Variants in GCNT1 observed in about 807,000 individuals in gnomAD.
GCNT1 encodes the protein glucosaminyl (N-acetyl) transferase 1, also known as beta-1,3-galactosyl-O-glycosyl-glycoprotein beta-1,6-N-acetylglucosaminyltransferase.
GCNT1 carries 16 observed loss-of-function variants against 26.2 expected under a neutral mutation model. That is an observed-to-expected ratio of 0.61 (90% CI 0.41 to 0.93). The LOEUF (loss-of-function observed/expected upper bound fraction) is 0.93. Among genes scored for constraint, GCNT1 ranks in the 40% least tolerant of loss-of-function variants. GCNT1 has a pLI of 0.00. For missense variants in GCNT1, 477 were observed against 526.7 expected (o/e 0.91, Z 0.92); for synonymous variants, 183 against 190.8 (o/e 0.96, Z 0.34).
At chr9:76,462,536 GT>G (rs925153011) in intron 2 of GCNT1, among the ~76,000 whole-genome samples, 2 of 152,188 alleles carry the variant, frequency 1.3e-5, no homozygotes, top group African/African-American at 4.8e-5. Context: ...CCTCCCTGCA[GT>G]TAAATGACCC....
At chr9:76,478,770 GCAAT>G in intron 2 of GCNT1, among the ~76,000 whole-genome samples, 2 of 152,262 alleles carry the variant, frequency 1.3e-5, no homozygotes, top group Middle Eastern at 6.8e-3. Flanking sequence ...CAGATACAAT[GCAAT>G]CATGGACATT....
At chr9:76,416,402 G>T (rs551442314), upstream of GCNT1, among the ~76,000 whole-genome samples, 2 of 152,322 alleles carry the variant, frequency 1.3e-5, no homozygotes, top group South Asian at 4.1e-4. Context: ...TACCAAGAGG[G>T]CAGAGAGTAA....
intron 2 of GCNT1, among the ~76,000 whole-genome samples, chr9:76,487,065 C>T (rs537494602): frequency 6.6e-6 from 1 of 152,266 alleles, no homozygotes; most frequent in East Asian, 1.9e-4. Context: ...TGCAGGGAGT[C>T]ACAGACAGGT....
chr9:76,451,948 C>CTTTTTTTTTTTTTTTTT (rs747978017), intron 1 of GCNT1, among the ~76,000 whole-genome samples: 38 of 98,348 alleles, frequency 3.9e-4, no homozygotes, highest in Admixed American at 7.1e-4. Context: ...TTCTTTCTTT[C>CTTTTTTTTTTTTTTTTT]TTTTTTTTTT....
rs184441175 is a variant in GCNT1, at chr9:76,495,376, A to G, written c.-289-5540A>G. Reference sequence around the variant, plus strand: ...CGCAGACCTTTGCGGTGAGTGTTACACCTCTTAAAGGTGGTGGGGACCCAA... The same window carrying G: ...CGCAGACCTTTGCGGTGAGTGTTACGCCTCTTAAAGGTGGTGGGGACCCAA... On this transcript the variant is annotated intron_variant, in intron 2 of 3. Transcript: ENST00000376730. Among the ~76,000 whole-genome samples the G allele has an allele frequency of 2.6e-5, 4 of 152,240 alleles. No homozygotes were observed. The East Asian group carries it at 7.7e-4, about 29-fold the overall frequency.
chr9:76,442,727 G>A (rs12378893), intron 1 of GCNT1, among the ~76,000 whole-genome samples: 2,714 of 152,240 alleles, frequency 0.018, 28 homozygotes, highest in Non-Finnish European at 0.028. Context: ...CTGATTATCC[G>A]ATTATCAGAA....
At chr9:76,454,035 G>A (rs760394565) in intron 1 of GCNT1, among the ~76,000 whole-genome samples, 3 of 152,170 alleles carry the variant, frequency 2.0e-5, no homozygotes, top group Non-Finnish European at 4.4e-5. Flanking sequence ...CTTTTGAAAG[G>A]TCAGGCAGAA....
chr9:76,450,267 C>T (rs952697836), intron 1 of GCNT1, among the ~76,000 whole-genome samples: 3 of 152,312 alleles, frequency 2.0e-5, no homozygotes, highest in South Asian at 4.1e-4. Flanking sequence ...ATGTTTATAA[C>T]GTACATCTGA....
chr9:76,430,391 AT>A (rs964806515), intron 1 of GCNT1, among the ~76,000 whole-genome samples: 5 of 150,094 alleles, frequency 3.3e-5, no homozygotes, highest in East Asian at 2.0e-4. Context: ...CAGAACACTC[AT>A]TTTTTTTTTA....
At chr9:76,486,693 T>C (rs748164809) in intron 2 of GCNT1, among the ~76,000 whole-genome samples, 8 of 152,238 alleles carry the variant, frequency 5.3e-5, no homozygotes, top group Non-Finnish European at 1.2e-4. Flanking sequence ...TATCATTTTA[T>C]CTTAAACAGA....
chr9:76,405,779 T>C, the GCNT1 span, among the ~76,000 whole-genome samples: 19 of 152,358 alleles, frequency 1.2e-4, no homozygotes, highest in African/African-American at 4.6e-4. Context: ...TAGTTTATTT[T>C]CCTATTCTCC....
At chr9:76,408,732 CTATAG>C in the GCNT1 span, among the ~76,000 whole-genome samples, 28 of 152,028 alleles carry the variant, frequency 1.8e-4, no homozygotes, top group Admixed American at 1.8e-3. Context: ...GTCACCCAGG[CTATAG>C]TGTAGAGTGG....
intron 1 of GCNT1, among the ~76,000 whole-genome samples, chr9:76,459,781 G>A (rs1373048264): frequency 6.6e-6 from 1 of 152,118 alleles, no homozygotes; most frequent in Non-Finnish European, 1.5e-5. Flanking sequence ...GACTCACCCT[G>A]GAGCAAACTA....
chr9:76,422,360 C>T (rs958101409), intron 1 of GCNT1, among the ~76,000 whole-genome samples: 2 of 152,142 alleles, frequency 1.3e-5, no homozygotes, highest in African/African-American at 4.8e-5. Flanking sequence ...TGAACCACGG[C>T]ACTCAGCAGT....
In GCNT1 at chr9:76,501,046, T is replaced by C. The variant is rs1415473494; in HGVS notation, c.-159T>C. The C allele has an allele frequency of 1.3e-5, 2 of 152,228 alleles. No homozygotes were observed. The highest frequency in any genetic ancestry group is 4.8e-5 in the African/African-American group (2 of 41,464). The allele number at this position is 152,228 out of a possible 1,614,324, so 9.4% of individuals were successfully genotyped here. A position where few individuals can be genotyped will look rare whatever the true frequency, so the allele number is the denominator to read the frequency against. ...AATCAGCACTAAGTGATTCAGACTT[T>C]CCTTACTTTTAAATGGTAAAAAGTC... On this transcript the variant is annotated 5_prime_UTR_variant, in exon 3 of 4. Coordinates refer to ENST00000376730, the MANE Select transcript of GCNT1 (RefSeq NM_001490.5).
the GCNT1 span, chr9:76,399,628 T>C: frequency 6.7e-6 from 7 of 1,039,548 alleles, no homozygotes; most frequent in East Asian, 9.6e-5. Context: ...GAAAAATGGT[T>C]GATGGAAAAT....
the GCNT1 span, among the ~76,000 whole-genome samples, chr9:76,404,867 G>T: frequency 6.6e-6 from 1 of 151,688 alleles, no homozygotes; most frequent in African/African-American, 2.4e-5. Flanking sequence ...GCCCAGGCTG[G>T]AGAGCAGTGG....
At chr9:76,433,022 C>T (rs1292936368) in intron 1 of GCNT1, among the ~76,000 whole-genome samples, 1 of 152,122 alleles carries the variant, frequency 6.6e-6, no homozygotes, top group Non-Finnish European at 1.5e-5. Context: ...GAGAGACCAC[C>T]CGACCAAGTG....
At chr9:76,441,787 A>G (rs905067547) in exon 1 of GCNT1, 1 of 152,306 alleles carries the variant, frequency 6.6e-6, no homozygotes, top group African/African-American at 2.4e-5. Context: ...CTGGGACCAG[A>G]AAAGGTCAGA....
Sources: gnomAD v4.1 joint callset for allele counts (sites outside exome capture counted in the v4.1 genomes callset) on GRCh38, gnomAD v4.1.1 for gene constraint, MANE v1.5 for transcripts, NCBI Gene and HGNC (gene_info 2026-07-23, HGNC 2026-07-21) for gene names.